CRYM: variants seen among roughly 807,000 people sequenced by gnomAD.
CRYM encodes ketimine reductase mu-crystallin.
A neutral mutation model predicts 32.9 loss-of-function variants in CRYM; 18 were observed. The observed-to-expected ratio is 0.55, with a 90% CI of 0.38 to 0.81. The LOEUF (loss-of-function observed/expected upper bound fraction) is 0.81, where lower values mean the gene tolerates loss of function less well. Among genes scored for constraint, CRYM ranks in the 30% least tolerant of loss-of-function variants. The pLI, the probability that CRYM is intolerant of heterozygous loss-of-function variation, is 0.00. For missense variants in CRYM, 337 were observed against 393.5 expected, an observed-to-expected ratio of 0.86 and a Z score of 1.21; for synonymous variants, 153 against 152.4, an observed-to-expected ratio of 1.00 and a Z score of -0.03.
intron 3 of CRYM, among the ~76,000 whole-genome samples, chr16:21,270,349 T>A (rs775671323): frequency 1.6e-4 from 25 of 152,124 alleles, no homozygotes; most frequent in Admixed American, 6.5e-4. Flanking sequence ...AGTGGCACGA[T>A]CTTGGCTCAT....
At chr16:21,269,766 T>TTCCC in intron 4 of CRYM, 24 bp downstream of exon 4, 9 of 690,476 alleles carry the variant, frequency 1.3e-5, no homozygotes, top group South Asian at 5.7e-5. Flanking sequence ...CCCTCTTCTC[T>TTCCC]CCCACCCCCA....
chr16:21,278,144 G>C lies in CRYM; in HGVS notation c.108C>G (p.Ser36Arg). Reference sequence around the variant, plus strand: ...GCTGCATGACCCCTCCTTCGGGACCGCTGGAGAAGTTGGCCAGGGCCGTCT... The same window carrying C: ...GCTGCATGACCCCTCCTTCGGGACCCCTGGAGAAGTTGGCCAGGGCCGTCT... Reference protein sequence around the residue: ...PLETALANFSSGPEGGVMQPV... With the variant: ...PLETALANFSRGPEGGVMQPV... The change falls in exon 1 of 8, where the codon AGC (serine) becomes AGG (arginine). Residue 36 changes from serine (S) to arginine (R), a missense_variant. Coordinates refer to ENST00000572914, the MANE Select transcript of CRYM (RefSeq NM_001376256.1). The C allele has an allele frequency of 6.4e-7, 1 of 1,551,168 alleles. No individual in the cohort carries two copies. Among genetic ancestry groups the C allele is most frequent in the East Asian group, 2.4e-5 (1 of 40,956 alleles).
At chr16:21,260,479 T>C (rs1387927249) in intron 7 of CRYM, among the ~76,000 whole-genome samples, 2 of 152,190 alleles carry the variant, frequency 1.3e-5, no homozygotes, top group Non-Finnish European at 2.9e-5. Context: ...TTTGTATTTT[T>C]AGTAGAGATG....
chr16:21,266,754 C>T (rs1018594597), intron 5 of CRYM, among the ~76,000 whole-genome samples: 9 of 152,138 alleles, frequency 5.9e-5, no homozygotes, highest in African/African-American at 2.2e-4. Flanking sequence ...TAATCAGTCG[C>T]AGCACTTTGG....
intron 3 of CRYM, among the ~76,000 whole-genome samples, chr16:21,273,909 A>T (rs980656984): frequency 1.3e-5 from 2 of 152,214 alleles, no homozygotes; most frequent in Admixed American, 6.5e-5. Flanking sequence ...TCAGGTCTGG[A>T]TATAACTAAA....
chr16:21,258,916 C>T (rs2093349288), intron 7 of CRYM, 71 bp from the exon 8 acceptor site: 1 of 1,289,392 alleles, frequency 7.8e-7, no homozygotes, highest in Non-Finnish European at 1.1e-6. Flanking sequence ...GGCCCCATGG[C>T]TGGAAGTTTC....
chr16:21,275,041 A>G (rs2093383572), intron 3 of CRYM, among the ~76,000 whole-genome samples: 1 of 152,260 alleles, frequency 6.6e-6, no homozygotes. Context: ...GAATGAATAC[A>G]GGGATCTGGC....
At chr16:21,259,354 C>T (rs1036083392) in intron 7 of CRYM, among the ~76,000 whole-genome samples, 10 of 151,952 alleles carry the variant, frequency 6.6e-5, no homozygotes, top group African/African-American at 2.2e-4. Context: ...GCGATCCGCC[C>T]ACCTCGGCCT....
intron 1 of CRYM, chr16:21,283,713 C>CCCCGGCACCTTCCGCGCGT (rs2093402263): frequency 6.6e-6 from 1 of 151,972 alleles, no homozygotes; most frequent in Non-Finnish European, 1.5e-5. Context: ...CCTCCGCGCG[C>CCCCGGCACCTTCCGCGCGT]CCCCGGCACC....
intron 1 of CRYM, among the ~76,000 whole-genome samples, chr16:21,297,741 T>A (rs1198066638): frequency 6.6e-6 from 1 of 152,202 alleles, no homozygotes; most frequent in Non-Finnish European, 1.5e-5. Context: ...CATTGACATG[T>A]AATTACAGAA....
At chr16:21,267,405 G>GC (rs2093366004) in intron 5 of CRYM, 149 bp downstream of exon 5, 2 of 861,426 alleles carry the variant, frequency 2.3e-6, no homozygotes, top group Non-Finnish European at 3.7e-6. Context: ...GCCAAATATT[G>GC]TTTTTTTCAA....
chr16:21,274,090 A>G (rs953997864), intron 3 of CRYM, among the ~76,000 whole-genome samples: 5 of 152,196 alleles, frequency 3.3e-5, no homozygotes, highest in African/African-American at 1.2e-4. Context: ...TTCCTTTATA[A>G]TAACTTAGGA....
At chr16:21,296,130 G>A (rs1407467296) in intron 1 of CRYM, among the ~76,000 whole-genome samples, 1 of 152,116 alleles carries the variant, frequency 6.6e-6, no homozygotes, top group Non-Finnish European at 1.5e-5. Flanking sequence ...TAGAGACAGG[G>A]TTTCACCATA....
At chr16:21,269,143 CAAAAAAAAA>C (rs35798113) in intron 4 of CRYM, among the ~76,000 whole-genome samples, 2 of 78,484 alleles carry the variant, frequency 2.5e-5, no homozygotes, top group Non-Finnish European at 5.1e-5. Context: ...GACTCCATTT[CAAAAAAAAA>C]AAAAAAAAAA....
chr16:21,287,309 C>A (rs568694175), intron 1 of CRYM, among the ~76,000 whole-genome samples: 11 of 152,198 alleles, frequency 7.2e-5, no homozygotes, highest in Non-Finnish European at 1.5e-4. Context: ...AACCATAAGA[C>A]CTATTTTTTG....
At chr16:21,293,258 G>A (rs929438893) in intron 1 of CRYM, among the ~76,000 whole-genome samples, 1 of 152,132 alleles carries the variant, frequency 6.6e-6, no homozygotes, top group African/African-American at 2.4e-5. Flanking sequence ...ATCCCAGTAG[G>A]AAGAAGGTTG....
Position 21,277,423 on chromosome 16 carries a change from T to C in CRYM, c.324+8A>G, listed in dbSNP as rs1171998102. The C allele has an allele frequency of 1.9e-6, 3 of 1,612,390 alleles. No homozygotes were observed. In the South Asian group the frequency reaches 3.3e-5, roughly 18 times the overall value. ...CCCCATTCCACCCCGGGACAGGAAGTTGCTCACCGCCAGCAGGGTGCCATT... is the reference window on the plus strand; with the variant it reads ...CCCCATTCCACCCCGGGACAGGAAGCTGCTCACCGCCAGCAGGGTGCCATT... On this transcript the variant is annotated splice_region_variant and intron_variant, in intron 2 of 7. Coordinates refer to ENST00000572914, the MANE Select transcript of CRYM (RefSeq NM_001376256.1). The surrounding 1 kb of genome is among the most constrained non-coding windows in gnomAD (Gnocchi z 4.2).
chr16:21,282,061 T>C (rs2093399145), upstream of CRYM, among the ~76,000 whole-genome samples: 1 of 152,174 alleles, frequency 6.6e-6, no homozygotes, highest in Admixed American at 6.5e-5. Flanking sequence ...AGGGACCCAG[T>C]GGGAGATGAC....
intron 3 of CRYM, among the ~76,000 whole-genome samples, chr16:21,274,282 G>A (rs916160836): frequency 6.6e-6 from 1 of 152,120 alleles, no homozygotes; most frequent in African/African-American, 2.4e-5. Flanking sequence ...ATTGCTTACT[G>A]TTCCCTCTGC....
Sources: gnomAD v4.1 joint callset for allele counts (sites outside exome capture counted in the v4.1 genomes callset) on GRCh38, gnomAD v4.1.1 for gene constraint, Gnocchi (gnomAD v3.1) non-coding constraint, MANE v1.5 for transcripts, NCBI Gene and HGNC (gene_info 2026-07-23, HGNC 2026-07-21) for gene names.